COL24A1: variants seen among roughly 807,000 people sequenced by gnomAD.
COL24A1 encodes the protein collagen alpha-1(XXIV) chain.
Under a neutral mutation model 253.9 loss-of-function variants are expected in COL24A1, and 224 were observed. The ratio of observed to expected loss-of-function variants is 0.88; its 90% CI spans 0.79 to 0.99. The LOEUF (loss-of-function observed/expected upper bound fraction) is 0.99. Among genes scored for constraint, COL24A1 ranks in the 50% least tolerant of loss-of-function variants. The probability of loss-of-function intolerance (pLI) is 0.00; values close to 1 mark genes in which losing one functional copy is unlikely to be tolerated. For synonymous variants in COL24A1, 685 were observed against 673.7 expected (o/e 1.02, Z -0.26); for missense variants, 2,131 against 2,068.5 (o/e 1.03, Z -0.59).
intron 53 of COL24A1, among the ~76,000 whole-genome samples, chr1:85,768,548 G>T (rs1424580538): frequency 1.4e-5 from 2 of 142,362 alleles, no homozygotes; most frequent in Non-Finnish European, 3.0e-5. Context: ...AATCTCTAAA[G>T]AACTCTTTAT....
At chr1:85,771,863 T>C (rs1310370411) in intron 53 of COL24A1, among the ~76,000 whole-genome samples, 19 of 150,146 alleles carry the variant, frequency 1.3e-4, no homozygotes, top group Admixed American at 8.0e-4. Flanking sequence ...GTTAGTTACA[T>C]ATGTATACAT....
intron 2 of COL24A1, among the ~76,000 whole-genome samples, chr1:86,133,285 T>C (rs1649600443): frequency 6.6e-6 from 1 of 152,160 alleles, no homozygotes; most frequent in South Asian, 2.1e-4. Flanking sequence ...TATACAATCA[T>C]GTCATCTGCA....
In COL24A1 at chr1:85,784,279, G is replaced by T. The variant is rs764559278; in HGVS notation, c.4147C>A (p.Pro1383Thr). Residue 1383 changes from proline (P) to threonine (T), a missense_variant, in exon 49 of 60, where the codon CCT (proline) becomes ACT (threonine). Coordinates refer to ENST00000370571, the MANE Select transcript of COL24A1 (RefSeq NM_152890.7). ...CATACAGGCTGCCCTTTCAGGCCAG[G>T]GTCTCCACATGGTCCTTGATCACCT... ...AQGDQGPCGD[P>T]GLKGQPGEYG... 6 of 1,613,838 alleles carry T rather than the reference G, an allele frequency of 3.7e-6. No individual in the cohort carries two copies. The Admixed American group carries it at 1.0e-4, about 27-fold the overall frequency.
At chr1:85,790,643 T>G (rs1256953420) in intron 47 of COL24A1, among the ~76,000 whole-genome samples, 1 of 89,652 alleles carries the variant, frequency 1.1e-5, no homozygotes, top group Non-Finnish European at 3.1e-5. Context: ...CATATATTAC[T>G]GTGACACTTT....
At chr1:85,943,654 G>C (rs1451018687) in intron 24 of COL24A1, among the ~76,000 whole-genome samples, 3 of 152,212 alleles carry the variant, frequency 2.0e-5, no homozygotes, top group Admixed American at 6.5e-5. Context: ...GCAATAATGA[G>C]GCTTTCGAAT....
At chr1:85,771,334 G>A (rs533642412) in intron 53 of COL24A1, among the ~76,000 whole-genome samples, 198 of 152,108 alleles carry the variant, frequency 1.3e-3, no homozygotes, top group African/African-American at 4.7e-3. Flanking sequence ...TCCCAATTAT[G>A]AGTGAGAACA....
intron 32 of COL24A1, among the ~76,000 whole-genome samples, chr1:85,887,808 T>C (rs1271261695): frequency 6.6e-6 from 1 of 152,144 alleles, no homozygotes; most frequent in South Asian, 2.1e-4. Flanking sequence ...AGTTTCAACC[T>C]TTTCTGCCAG....
chr1:85,802,671 C>G (rs1178638440), intron 47 of COL24A1, among the ~76,000 whole-genome samples: 1 of 152,108 alleles, frequency 6.6e-6, no homozygotes, highest in Non-Finnish European at 1.5e-5. Flanking sequence ...TCACCACTAT[C>G]AAGATAACAT....
intron 12 of COL24A1, among the ~76,000 whole-genome samples, chr1:86,039,488 A>G (rs1699294871): frequency 6.6e-6 from 1 of 152,186 alleles, no homozygotes; most frequent in Non-Finnish European, 1.5e-5. Context: ...CACAATGACT[A>G]TATTTACAGA....
At chr1:86,019,406 T>C (rs1168855450) in intron 18 of COL24A1, among the ~76,000 whole-genome samples, 4 of 86,608 alleles carry the variant, frequency 4.6e-5, no homozygotes, top group Middle Eastern at 8.8e-3. Context: ...TTTTTTTTTT[T>C]TTAATTAGCT....
chr1:86,129,311 T>A (rs1000414925), intron 2 of COL24A1, among the ~76,000 whole-genome samples: 50 of 151,742 alleles, frequency 3.3e-4, no homozygotes, highest in Non-Finnish European at 4.1e-4. Context: ...ATTTTGGTTA[T>A]TTTGCTTTAT....
At chr1:86,000,201 C>A (rs1041562967) in intron 19 of COL24A1, among the ~76,000 whole-genome samples, 2 of 152,126 alleles carry the variant, frequency 1.3e-5, no homozygotes, top group Admixed American at 6.6e-5. Context: ...CCTTCTCTAT[C>A]CTTTCATTTT....
intron 47 of COL24A1, among the ~76,000 whole-genome samples, chr1:85,792,228 G>A (rs983822566): frequency 2.6e-5 from 4 of 151,930 alleles, no homozygotes; most frequent in African/African-American, 9.7e-5. Flanking sequence ...TATTTTCTGA[G>A]TTGATTCCTA....
chr1:86,062,616 T>C (rs888810739), intron 8 of COL24A1, among the ~76,000 whole-genome samples: 1 of 152,126 alleles, frequency 6.6e-6, no homozygotes, highest in Non-Finnish European at 1.5e-5. Context: ...GTTTCCTCCA[T>C]TGGAATCCAC....
At chr1:85,759,878 G>A (rs1053808250) in intron 55 of COL24A1, among the ~76,000 whole-genome samples, 1 of 152,114 alleles carries the variant, frequency 6.6e-6, no homozygotes, top group Non-Finnish European at 1.5e-5. Context: ...TGCCAATGAC[G>A]TATGATCCTT....
intron 2 of COL24A1, among the ~76,000 whole-genome samples, chr1:86,136,964 T>C (rs77654649): frequency 0.015 from 2,272 of 148,728 alleles, 29 homozygotes; most frequent in Middle Eastern, 0.044. Flanking sequence ...AGAAGGCACA[T>C]ATGACTGGAG....
Position 85,950,181 on chromosome 1 carries a change from G to A in COL24A1, c.2562+11068C>T, listed in dbSNP as rs576502678. Among the ~76,000 whole-genome samples the A allele has an allele frequency of 6.7e-5, 10 of 150,248 alleles. No individual in the cohort carries two copies. The South Asian group carries it at 1.8e-3, about 26-fold the overall frequency. On this transcript the variant is annotated intron_variant, in intron 24 of 59. Transcript: ENST00000370571. ...TAATGGATTTTTACTTGTCTCTCAC[G>A]AACACATAAAAAGCAAGAATTTTTT...
At position 86,156,449 on chromosome 1, in the gene COL24A1, C is replaced by T. The variant is rs1269998434; in HGVS notation, c.-53G>A. On this transcript the variant is annotated 5_prime_UTR_variant, in exon 1 of 60. Transcript: ENST00000370571. Reference sequence around the variant, plus strand: ...CGCTAACGGAAAACAGAAGCCAACTCTGAACTGCTTAGGGTGCAGGTACTG... The same window carrying T: ...CGCTAACGGAAAACAGAAGCCAACTTTGAACTGCTTAGGGTGCAGGTACTG... The T allele has an allele frequency of 6.4e-7, 1 of 1,566,312 alleles. No individual in the cohort carries two copies. The highest frequency in any genetic ancestry group is 8.7e-7 in the Non-Finnish European group (1 of 1,144,510).
intron 24 of COL24A1, among the ~76,000 whole-genome samples, chr1:85,940,863 T>C (rs80078113): frequency 3.3e-5 from 5 of 152,324 alleles, no homozygotes; most frequent in East Asian, 1.9e-4. Context: ...ATTTATGTTA[T>C]GGTAAACTCA....
Sources: allele counts gnomAD v4.1 joint callset (sites outside exome capture counted in the v4.1 genomes callset), GRCh38; gene constraint gnomAD v4.1.1; transcripts MANE v1.5; gene names NCBI Gene and HGNC (gene_info 2026-07-23, HGNC 2026-07-21).